The following NUBPL variants were observed in gnomAD, a reference collection of about 807,000 sequenced individuals.
NUBPL encodes iron-sulfur cluster transfer protein NUBPL.
In NUBPL, 31 loss-of-function variants were observed where a neutral mutation model predicts 45.7. The ratio of observed to expected loss-of-function variants is 0.68; its 90% CI spans 0.51 to 0.92. The LOEUF (loss-of-function observed/expected upper bound fraction) is 0.92, where lower values mean the gene tolerates loss of function less well. Among genes scored for constraint, NUBPL ranks in the 40% least tolerant of loss-of-function variants. The pLI, the probability that NUBPL is intolerant of heterozygous loss-of-function variation, is 0.00. For missense variants in NUBPL, 401 were observed against 398.7 expected (o/e 1.01, Z -0.05); for synonymous variants, 144 against 140.9 (o/e 1.02, Z -0.15).
chr14:31,578,049 A>G (rs1429718259), intron 3 of NUBPL: 2 of 1,129,238 alleles, frequency 1.8e-6, no homozygotes, highest in Admixed American at 2.3e-5. Flanking sequence ...AACAGATTAC[A>G]CTTTGGCAGA....
intron 3 of NUBPL, among the ~76,000 whole-genome samples, chr14:31,593,926 T>A (rs937760405): frequency 4.6e-5 from 7 of 151,874 alleles, no homozygotes; most frequent in Non-Finnish European, 1.0e-4. Flanking sequence ...GAGTAGGAGA[T>A]GAGGTGAAAG....
intron 4 of NUBPL, among the ~76,000 whole-genome samples, chr14:31,611,090 CAA>C (rs759498397): frequency 6.6e-6 from 1 of 152,022 alleles, no homozygotes; most frequent in African/African-American, 2.4e-5. Flanking sequence ...AGCAATCAGA[CAA>C]GAGAATGAAA....
intron 4 of NUBPL, among the ~76,000 whole-genome samples, chr14:31,610,608 C>CAAAAAAAAAAAAAAAAAAAAAA (rs775656176): frequency 9.5e-5 from 9 of 94,656 alleles, no homozygotes; most frequent in Non-Finnish European, 1.2e-4. Flanking sequence ...AAAGATACAT[C>CAAAAAAAAAAAAAAAAAAAAAA]AAAAAAAAAA....
At chr14:31,758,369 G>A (rs1287644454) in intron 6 of NUBPL, among the ~76,000 whole-genome samples, 1 of 152,066 alleles carries the variant, frequency 6.6e-6, no homozygotes, top group Non-Finnish European at 1.5e-5. Context: ...AAATTCAGTT[G>A]GCATTTTCAT....
intron 4 of NUBPL, among the ~76,000 whole-genome samples, chr14:31,623,446 A>G (rs929697347): frequency 1.3e-5 from 2 of 151,954 alleles, no homozygotes; most frequent in African/African-American, 4.8e-5. Flanking sequence ...GGGCTGGGGG[A>G]ATGATATTGT....
intron 6 of NUBPL, among the ~76,000 whole-genome samples, chr14:31,679,562 A>G (rs2036781046): frequency 6.6e-6 from 1 of 152,216 alleles, no homozygotes; most frequent in Non-Finnish European, 1.5e-5. Flanking sequence ...ATAAAAATCA[A>G]TTAACCGTAT....
chr14:31,771,108 A>G (rs1400985659), intron 6 of NUBPL, among the ~76,000 whole-genome samples: 1 of 152,042 alleles, frequency 6.6e-6, no homozygotes, highest in Non-Finnish European at 1.5e-5. Flanking sequence ...TGGTTGGTAG[A>G]ATTATACTGA....
intron 3 of NUBPL, among the ~76,000 whole-genome samples, chr14:31,567,163 C>T (rs35896456): frequency 0.41 from 61,761 of 151,778 alleles, 14,096 homozygotes; most frequent in East Asian, 0.59. Context: ...AACAACATAC[C>T]GTTTTTTTCT....
intron 6 of NUBPL, among the ~76,000 whole-genome samples, chr14:31,697,910 G>A (rs2037248293): frequency 2.0e-5 from 3 of 152,052 alleles, no homozygotes; most frequent in Non-Finnish European, 4.4e-5. Context: ...GGTGCAGTCG[G>A]GGATCATGGG....
chr14:31,579,196 C>T (rs1375510171), intron 3 of NUBPL, among the ~76,000 whole-genome samples: 1 of 152,190 alleles, frequency 6.6e-6, no homozygotes, highest in Non-Finnish European at 1.5e-5. Context: ...ACCATGGAAA[C>T]TGATGAAGGC....
chr14:31,838,244 C>T (rs556671225), intron 8 of NUBPL, among the ~76,000 whole-genome samples: 7 of 128,560 alleles, frequency 5.4e-5, no homozygotes, highest in Admixed American at 2.6e-4. Context: ...GCTTCTTTAA[C>T]GTATTAAGTT....
chr14:31,718,044 T>G (rs1452695777), intron 6 of NUBPL, among the ~76,000 whole-genome samples: 1 of 152,174 alleles, frequency 6.6e-6, no homozygotes, highest in African/African-American at 2.4e-5. Context: ...AATTTATGGG[T>G]TTGAGAGCTA....
intron 4 of NUBPL, among the ~76,000 whole-genome samples, chr14:31,626,718 T>C: frequency 6.6e-6 from 1 of 152,212 alleles, no homozygotes; most frequent in East Asian, 1.9e-4. Context: ...CTCACCAGTT[T>C]GTGTTCTTAA....
At chr14:31,617,807 G>T (rs1336457425) in intron 4 of NUBPL, among the ~76,000 whole-genome samples, 1 of 152,176 alleles carries the variant, frequency 6.6e-6, no homozygotes, top group African/African-American at 2.4e-5. Context: ...AATTAGGGAG[G>T]AGTCCCTCTT....
At position 31,861,056 on chromosome 14, in the gene NUBPL, A is replaced by G. The variant is rs186466589; in HGVS notation, c.*1876A>G. Reference sequence around the variant, plus strand: ...CCTTGTGATGATGGAAATGTTCTATATCACAGCTATCGATGTCAGTATCCC... The same window carrying G: ...CCTTGTGATGATGGAAATGTTCTATGTCACAGCTATCGATGTCAGTATCCC... On this transcript the variant is annotated 3_prime_UTR_variant, in exon 11 of 11. Transcript: ENST00000281081. The G allele has an allele frequency of 6.6e-6, 1 of 152,310 alleles. No individual in the cohort carries two copies. The highest frequency in any genetic ancestry group is 1.9e-4 in the East Asian group (1 of 5,188). 9.4% of individuals were successfully genotyped at this position (152,310 alleles called of 1,614,324 possible). A position where few individuals can be genotyped will look rare whatever the true frequency, so the allele number is the denominator to read the frequency against.
At chr14:31,715,176 C>A (rs149248192) in intron 6 of NUBPL, among the ~76,000 whole-genome samples, 1 of 152,124 alleles carries the variant, frequency 6.6e-6, no homozygotes, top group Non-Finnish European at 1.5e-5. Flanking sequence ...ATCTACTGAT[C>A]GTAAAGTTTC....
At chr14:31,591,519 T>C (rs2034142676) in intron 3 of NUBPL, among the ~76,000 whole-genome samples, 1 of 152,176 alleles carries the variant, frequency 6.6e-6, no homozygotes, top group South Asian at 2.1e-4. Context: ...AGATTTTCTT[T>C]CATGAAGTCT....
At chr14:31,793,831 T>TTTTA (rs1555338724) in intron 7 of NUBPL, among the ~76,000 whole-genome samples, 11 of 130,896 alleles carry the variant, frequency 8.4e-5, no homozygotes, top group Middle Eastern at 7.0e-3. Flanking sequence ...TATCTTTCTT[T>TTTTA]TTTTTTTTTA....
intron 4 of NUBPL, among the ~76,000 whole-genome samples, chr14:31,626,248 C>T (rs2035203463): frequency 6.6e-6 from 1 of 152,084 alleles, no homozygotes; most frequent in Admixed American, 6.6e-5. Flanking sequence ...AACTCTGCCT[C>T]CTGGGTTCAA....
Sources: allele counts gnomAD v4.1 joint callset (sites outside exome capture counted in the v4.1 genomes callset), GRCh38; gene constraint gnomAD v4.1.1; transcripts MANE v1.5; gene names NCBI Gene and HGNC (gene_info 2026-07-23, HGNC 2026-07-21).